POLE2: variants seen among roughly 807,000 people sequenced by gnomAD.
The protein encoded by POLE2 is DNA polymerase epsilon subunit 2.
POLE2 carries 56 observed loss-of-function variants against 79.4 expected under a neutral mutation model. The observed-to-expected ratio is 0.71, with a 90% confidence interval of 0.57 to 0.88. The LOEUF (loss-of-function observed/expected upper bound fraction) is 0.88. Ranked by LOEUF, POLE2 falls within the 40% of genes least tolerant of loss-of-function variation. The pLI, the probability that POLE2 is intolerant of heterozygous loss-of-function variation, is 0.00. For synonymous variants in POLE2, 212 were observed against 214.0 expected, an observed-to-expected ratio of 0.99 and a Z score of 0.08; for missense variants, 598 against 638.9, an observed-to-expected ratio of 0.94 and a Z score of 0.69.
At chr14:49,654,971 T>C in intron 12 of POLE2, 34 bp downstream of exon 12, 1 of 1,437,836 alleles carries the variant, frequency 7.0e-7, no homozygotes, top group Non-Finnish European at 9.4e-7. Flanking sequence ...TATATGACTA[T>C]AGAAACACTT....
In POLE2 at chr14:49,665,607, T is replaced by C. The variant is rs569368945; in HGVS notation, c.577-444A>G. Among the ~76,000 whole-genome samples the C allele has an allele frequency of 5.3e-5, 8 of 152,252 alleles. No homozygotes were observed. In the East Asian group the frequency reaches 1.5e-3, roughly 29 times the overall value. ...CTGCACAAGACACTCTGTCCTGATG[T>C]CTTCTCAGGAAACCAAACACAGATG... On this transcript the variant is annotated intron_variant, in intron 7 of 18. Transcript: ENST00000216367.
chr14:49,688,077 C>G, intron 1 of POLE2, 59 bp downstream of exon 1: 1 of 1,358,140 alleles, frequency 7.4e-7, no homozygotes, highest in East Asian at 2.7e-5. Context: ...CGCTGCCGCA[C>G]CAGGCAGACG....
intron 17 of POLE2, among the ~76,000 whole-genome samples, chr14:49,649,291 C>T (rs959366796): frequency 5.3e-5 from 8 of 150,818 alleles, no homozygotes; most frequent in African/African-American, 7.4e-5. Flanking sequence ...GGACTAGAGG[C>T]GCCCGCCACC....
intron 18 of POLE2, among the ~76,000 whole-genome samples, chr14:49,644,450 C>T (rs1883614321): frequency 6.7e-6 from 1 of 150,018 alleles, no homozygotes; most frequent in South Asian, 2.1e-4. Context: ...GCGGAGGTTG[C>T]AGTGAGCTGA....
At chr14:49,656,897 T>A (rs1884720230) in intron 10 of POLE2, among the ~76,000 whole-genome samples, 1 of 151,952 alleles carries the variant, frequency 6.6e-6, no homozygotes, top group African/African-American at 2.4e-5. Flanking sequence ...TTGCTTGAGG[T>A]CAGGAGTTCA....
At chr14:49,684,004 A>G (rs1202330630) in intron 1 of POLE2, among the ~76,000 whole-genome samples, 1 of 152,232 alleles carries the variant, frequency 6.6e-6, no homozygotes, top group Non-Finnish European at 1.5e-5. Context: ...CTGATATATT[A>G]CATTAGCCTT....
chr14:49,666,384 A>C lies in POLE2; in HGVS notation c.522T>G (p.Ser174Arg). Residue 174 changes from serine to arginine, a missense_variant, in exon 7 of 19, where the codon AGT (serine) becomes AGG (arginine). Transcript: ENST00000216367. ...CAATCGCATCTCCGATTTTGGTTGT[A>C]CTACCCAATAAGGTTTCTATTGTTT... is the stretch of plus-strand genomic sequence containing the variant. ...QLKTIETLLGSTTKIGDAIVL... is the reference protein window; with the variant it reads ...QLKTIETLLGRTTKIGDAIVL... 1 of 1,524,508 alleles carries C rather than the reference A, an allele frequency of 6.6e-7. No homozygotes were observed. Among genetic ancestry groups the C allele is most frequent in the South Asian group, 1.2e-5 (1 of 80,862 alleles). 94.4% of individuals were successfully genotyped at this position (1,524,508 alleles called of 1,614,324 possible). A position where few individuals can be genotyped will look rare whatever the true frequency, so the allele number is the denominator to read the frequency against.
intron 10 of POLE2, among the ~76,000 whole-genome samples, chr14:49,661,337 T>C (rs1001425726): frequency 7.9e-5 from 12 of 152,208 alleles, no homozygotes; most frequent in African/African-American, 2.9e-4. Context: ...TGGTAACTGA[T>C]ATTGTTATTG....
intron 5 of POLE2, 32 bp from the exon 6 acceptor site, chr14:49,669,630 G>T: frequency 9.1e-7 from 1 of 1,099,852 alleles, no homozygotes; most frequent in Non-Finnish European, 1.4e-6. Context: ...ATGAATTCCT[G>T]AAACAGACAT....
chr14:49,658,228 C>G (rs1884846276), intron 10 of POLE2, among the ~76,000 whole-genome samples: 1 of 152,198 alleles, frequency 6.6e-6, no homozygotes, highest in African/African-American at 2.4e-5. Context: ...AGGCACCTGC[C>G]ACCACGCCCG....
chr14:49,679,587 T>G (rs1237645838), intron 3 of POLE2, 138 bp downstream of exon 3: 12 of 543,798 alleles, frequency 2.2e-5, no homozygotes, highest in Non-Finnish European at 3.7e-5. Context: ...AGAAAGCCAT[T>G]ATTTAAAAAG....
chr14:49,671,327 C>T (rs780323179), intron 5 of POLE2, among the ~76,000 whole-genome samples: 16 of 152,002 alleles, frequency 1.1e-4, no homozygotes, highest in Non-Finnish European at 1.9e-4. Flanking sequence ...ACATAAAAGA[C>T]GTACTACTGA....
chr14:49,651,304 G>T lies in POLE2; in HGVS notation c.1285C>A (p.Arg429Ser). The change falls in exon 16 of 19, where the codon CGT becomes AGT. Residue 429 changes from arginine to serine, a missense_variant. By Grantham distance (110) the Arg-to-Ser change is moderately radical. Coordinates refer to ENST00000216367, the MANE Select transcript of POLE2 (RefSeq NM_002692.4). ...LVNKMCRNCV[R>S]FPSSNLAIPN... ...ATAGCCAAATTGCTGCTAGGAAAAC[G>T]GACGCAGTTTCTGCACATTTTATTT... The T allele has an allele frequency of 6.2e-7, 1 of 1,602,658 alleles. No individual in the cohort carries two copies.
At chr14:49,652,551 T>C (rs1884348847) in intron 15 of POLE2, among the ~76,000 whole-genome samples, 1 of 152,154 alleles carries the variant, frequency 6.6e-6, no homozygotes, top group South Asian at 2.1e-4. Context: ...TCCTGACCTC[T>C]GCCTCCTGTC....
At position 49,650,283 on chromosome 14, in the gene POLE2, T is replaced by C; in HGVS notation, c.1479A>G (p.Glu493=). The C allele has an allele frequency of 6.2e-7, 1 of 1,600,146 alleles. No homozygotes were observed. The highest frequency in any genetic ancestry group is 2.3e-5 in the East Asian group (1 of 44,234). Residue 493 remains glutamate, a synonymous_variant, in exon 17 of 19, where the codon GAA becomes GAG. Transcript: ENST00000216367. ...TTCTTACAGGGTTTATGCAGAGGCATTCGGTATTTGTCGTAGTGAAAGGAT... is the reference window on the plus strand; with the variant it reads ...TTCTTACAGGGTTTATGCAGAGGCACTCGGTATTTGTCGTAGTGAAAGGAT... ...KYDPFTTTNT[E]CLCINPGSFP...
At chr14:49,671,923 T>C (rs760350283) in intron 5 of POLE2, among the ~76,000 whole-genome samples, 22 of 152,060 alleles carry the variant, frequency 1.4e-4, no homozygotes, top group Non-Finnish European at 3.1e-4. Flanking sequence ...CACTGCACTC[T>C]AGCCTAGGCG....
intron 1 of POLE2, among the ~76,000 whole-genome samples, chr14:49,686,517 C>G (rs1336606319): frequency 6.6e-6 from 1 of 152,126 alleles, no homozygotes; most frequent in East Asian, 1.9e-4. Context: ...GTGAAAAGAC[C>G]CTGAAGTTGA....
At position 49,654,997 on chromosome 14, in the gene POLE2, G is replaced by T; in HGVS notation, c.1018+8C>A. ...AGAAACACTTCTTATTAAATAGATC[G>T]TTAATACCTTTCAAAGCTTGAACTT... On this transcript the variant is annotated splice_region_variant and intron_variant, in intron 12 of 18. Coordinates refer to ENST00000216367, the MANE Select transcript of POLE2 (RefSeq NM_002692.4). 2 of 1,519,290 alleles carry T rather than the reference G, an allele frequency of 1.3e-6. No individual in the cohort carries two copies. Among genetic ancestry groups the T allele is most frequent in the Non-Finnish European group, 1.8e-6 (2 of 1,117,652 alleles). 94.1% of individuals were successfully genotyped at this position (1,519,290 alleles called of 1,614,324 possible).
chr14:49,649,237 C>T lies in POLE2; in HGVS notation c.1497+1028G>A, dbSNP rs1166361706. 9.7e-5 allele frequency among the ~76,000 whole-genome samples: 14 copies of T among 144,340 alleles called. No individual in the cohort carries two copies. The Admixed American group carries it at 1.0e-3, about 10-fold the overall frequency. 94.7% of individuals were successfully genotyped at this position (144,340 alleles called of 152,430 possible). A position where few individuals can be genotyped will look rare whatever the true frequency, so the allele number is the denominator to read the frequency against. Reference sequence around the variant, plus strand: ...TCTTGGCTCACTACAAGCTCTGTCTCCCGGGTTCACGCCATTCTCCTACCT... The same window carrying T: ...TCTTGGCTCACTACAAGCTCTGTCTTCCGGGTTCACGCCATTCTCCTACCT... On this transcript the variant is annotated intron_variant, in intron 17 of 18. Coordinates refer to ENST00000216367, the MANE Select transcript of POLE2 (RefSeq NM_002692.4).
Sources: gnomAD v4.1 joint callset for allele counts (sites outside exome capture counted in the v4.1 genomes callset) on GRCh38, gnomAD v4.1.1 for gene constraint, MANE v1.5 for transcripts, NCBI Gene and HGNC (gene_info 2026-07-23, HGNC 2026-07-21) for gene names.